MARCHF1: variants seen among roughly 807,000 people sequenced by gnomAD.
MARCHF1 encodes the protein E3 ubiquitin-protein ligase MARCHF1.
A neutral mutation model predicts 54.2 loss-of-function variants in MARCHF1; 40 were observed. That is an observed-to-expected ratio of 0.74 (90% confidence interval 0.57 to 0.96). The LOEUF is 0.96. Among genes scored for constraint, MARCHF1 ranks in the 40% least tolerant of loss-of-function variants. MARCHF1 has a pLI of 0.00. For missense variants in MARCHF1, 586 were observed against 656.5 expected (o/e 0.89, Z 1.17); for synonymous variants, 236 against 236.3 (o/e 1.00, Z 0.01).
intron 7 of MARCHF1, among the ~76,000 whole-genome samples, chr4:163,589,070 G>GAGA (rs1553994760): frequency 1.6e-5 from 2 of 128,032 alleles, no homozygotes; most frequent in African/African-American, 5.7e-5. Context: ...TGTCTTATTT[G>GAGA]AAAAAAAAAA....
intron 1 of MARCHF1, among the ~76,000 whole-genome samples, chr4:164,196,239 A>G (rs1272008363): frequency 6.6e-6 from 1 of 152,146 alleles, no homozygotes; most frequent in African/African-American, 2.4e-5. Flanking sequence ...CTAAGGTACA[A>G]TATATATTTT....
intron 2 of MARCHF1, among the ~76,000 whole-genome samples, chr4:164,064,293 A>C (rs1280113502): frequency 6.6e-6 from 1 of 152,236 alleles, no homozygotes; most frequent in Non-Finnish European, 1.5e-5. Flanking sequence ...CCCATCCATG[A>C]ACATGGAGTG....
chr4:163,984,906 C>T (rs1752832054), intron 3 of MARCHF1, among the ~76,000 whole-genome samples: 1 of 152,150 alleles, frequency 6.6e-6, no homozygotes, highest in Admixed American at 6.5e-5. Context: ...AAAAAGAAAT[C>T]TGGAACTATG....
rs1579634420 is a variant in MARCHF1, at chr4:164,220,666, GCTATATGTATATATGTAATATA to G, written c.-322-109026_-322-109005del. On this transcript the variant is annotated intron_variant, in intron 1 of 9. Coordinates refer to ENST00000514618, the MANE Select transcript of MARCHF1 (RefSeq NM_001394959.1). ...ATATATGCATATATGTAATATATATGCTATATGTATATATGTAATATATATGCTATATATGTATATATGTAAT... is the reference window on the plus strand; with the variant it reads ...ATATATGCATATATGTAATATATATGTATGCTATATATGTATATATGTAAT... Among the ~76,000 whole-genome samples, 3 of 133,478 alleles carry G rather than the reference GCTATATGTATATATGTAATATA, an allele frequency of 2.2e-5. No homozygotes were observed. In the Admixed American group the frequency reaches 2.3e-4, roughly 10 times the overall value. 87.6% of individuals were successfully genotyped at this position (133,478 alleles called of 152,430 possible). A position where few individuals can be genotyped will look rare whatever the true frequency, so the allele number is the denominator to read the frequency against.
At chr4:164,221,766 C>T (rs1223923862) in intron 1 of MARCHF1, among the ~76,000 whole-genome samples, 1 of 151,838 alleles carries the variant, frequency 6.6e-6, no homozygotes, top group African/African-American at 2.4e-5. Flanking sequence ...CACCAGTGTT[C>T]CAAGTGGAAG....
intron 2 of MARCHF1, among the ~76,000 whole-genome samples, chr4:164,036,696 A>G (rs908118386): frequency 3.9e-5 from 6 of 152,198 alleles, no homozygotes; most frequent in Admixed American, 2.6e-4. Flanking sequence ...GGAGATAAAA[A>G]ATGTTCCACC....
At chr4:163,987,439 TGAA>T (rs1752889894) in intron 3 of MARCHF1, among the ~76,000 whole-genome samples, 6 of 152,230 alleles carry the variant, frequency 3.9e-5, no homozygotes, top group African/African-American at 1.4e-4. Context: ...TTTTCTCATT[TGAA>T]GATGTACTCA....
At chr4:163,674,551 G>A (rs1361738093) in intron 5 of MARCHF1, among the ~76,000 whole-genome samples, 2 of 152,248 alleles carry the variant, frequency 1.3e-5, no homozygotes, top group Middle Eastern at 3.4e-3. Context: ...GCAGCAAACA[G>A]AGGTTATCCA....
At chr4:163,757,874 T>A (rs1254933941) in intron 4 of MARCHF1, among the ~76,000 whole-genome samples, 2 of 152,204 alleles carry the variant, frequency 1.3e-5, no homozygotes, top group Non-Finnish European at 2.9e-5. Context: ...TGTGCTAAGA[T>A]GTCATTCGTT....
intron 2 of MARCHF1, among the ~76,000 whole-genome samples, chr4:164,044,758 C>T (rs1174210440): frequency 6.6e-6 from 1 of 151,926 alleles, no homozygotes; most frequent in Non-Finnish European, 1.5e-5. Flanking sequence ...ACACTATAGA[C>T]TCTCTAGTCT....
intron 1 of MARCHF1, among the ~76,000 whole-genome samples, chr4:164,213,727 T>C (rs1360948833): frequency 6.6e-6 from 1 of 152,126 alleles, no homozygotes; most frequent in Non-Finnish European, 1.5e-5. Context: ...TAATAAATTA[T>C]AATATCTTCA....
intron 2 of MARCHF1, among the ~76,000 whole-genome samples, chr4:163,990,564 A>G (rs913963753): frequency 2.0e-5 from 3 of 152,222 alleles, no homozygotes; most frequent in African/African-American, 7.2e-5. Context: ...TGTGACATAC[A>G]GGAGCTTTAA....
chr4:163,784,789 G>A (rs1348595005), intron 4 of MARCHF1, among the ~76,000 whole-genome samples: 2 of 152,098 alleles, frequency 1.3e-5, no homozygotes, highest in Non-Finnish European at 2.9e-5. Context: ...CAATATGCAT[G>A]CTGTCCTAGT....
chr4:164,261,649 A>G (rs2111277634), intron 1 of MARCHF1, among the ~76,000 whole-genome samples: 1 of 152,230 alleles, frequency 6.6e-6, no homozygotes, highest in Non-Finnish European at 1.5e-5. Flanking sequence ...ACTTCTTGGA[A>G]TGCTTTCCCA....
intron 1 of MARCHF1, among the ~76,000 whole-genome samples, chr4:164,147,868 CA>C (rs141162890): frequency 0.047 from 6,972 of 149,818 alleles, 218 homozygotes; most frequent in Middle Eastern, 0.15. Flanking sequence ...TCTCTTATGG[CA>C]AAAAAAAAAT....
intron 5 of MARCHF1, among the ~76,000 whole-genome samples, chr4:163,631,674 C>T (rs1213922198): frequency 6.6e-6 from 1 of 151,972 alleles, no homozygotes. Context: ...ACAAACAATA[C>T]AAGATAAAGT....
intron 2 of MARCHF1, among the ~76,000 whole-genome samples, chr4:164,069,065 T>A (rs907405671): frequency 4.6e-5 from 7 of 152,128 alleles, no homozygotes; most frequent in South Asian, 2.1e-4. Context: ...GCTCAAGGTT[T>A]GTAAATGCAC....
intron 3 of MARCHF1, among the ~76,000 whole-genome samples, chr4:163,934,576 TAAAAAAAAA>T (rs551026107): frequency 2.6e-5 from 2 of 77,878 alleles, no homozygotes; most frequent in Non-Finnish European, 4.7e-5. Context: ...TCTTTTTAAG[TAAAAAAAAA>T]AAAAAAAAAA....
chr4:164,019,604 G>T (rs1212511390), intron 2 of MARCHF1, among the ~76,000 whole-genome samples: 1 of 152,140 alleles, frequency 6.6e-6, no homozygotes, highest in Non-Finnish European at 1.5e-5. Flanking sequence ...AAAGCATTGG[G>T]CAATCAATTG....
Sources: allele counts gnomAD v4.1 joint callset (sites outside exome capture counted in the v4.1 genomes callset), GRCh38; gene constraint gnomAD v4.1.1; transcripts MANE v1.5; gene names NCBI Gene and HGNC (gene_info 2026-07-23, HGNC 2026-07-21).